ATRX: variants seen among roughly 807,000 people sequenced by gnomAD.
ATRX encodes chromatin remodeler ATRX.
ATRX carries 12 observed loss-of-function variants against 172.6 expected under a neutral mutation model. That is an observed-to-expected ratio of 0.07 (90% CI 0.04 to 0.11). ATRX has a LOEUF of 0.11. Among genes scored for constraint, ATRX ranks in the 10% least tolerant of loss-of-function variants. The pLI, the probability that ATRX is intolerant of heterozygous loss-of-function variation, is 1.00. For missense variants in ATRX, 1,368 were observed against 1,767.4 expected, an observed-to-expected ratio of 0.77 and a Z score of 4.05; for synonymous variants, 674 against 594.7, an observed-to-expected ratio of 1.13 and a Z score of -1.94.
Position 77,515,830 on chromosome X carries a change from GC to G in ATRX, c.7200+4957del, listed in dbSNP as rs782246887. Among the ~76,000 whole-genome samples the G allele has an allele frequency of 2.7e-5, 3 of 111,906 alleles. No homozygotes were observed. In the East Asian group the frequency reaches 8.3e-4, roughly 31 times the overall value. ...CTTGTAAAGCTGAGCCCAGATCTCA[GC>G]ACACATTTTCAAGACTGTTGTCAAT... On this transcript the variant is annotated intron_variant, in intron 34 of 34. Coordinates refer to ENST00000373344, the MANE Select transcript of ATRX (RefSeq NM_000489.6).
intron 30 of ATRX, among the ~76,000 whole-genome samples, chrX:77,556,084 G>C (rs1246920950): frequency 1.9e-5 from 2 of 104,974 alleles, no homozygotes; most frequent in African/African-American, 3.5e-5. Context: ...GCTGAGGCAG[G>C]AGAATCGCTT....
chrX:77,732,688 T>C (rs1436219351), intron 1 of ATRX, among the ~76,000 whole-genome samples: 1 of 112,066 alleles, frequency 8.9e-6, no homozygotes, highest in African/African-American at 3.2e-5. Context: ...ATTATATCAA[T>C]TGATGCTTAA....
chrX:77,547,150 A>G (rs1316334203), intron 30 of ATRX, among the ~76,000 whole-genome samples: 1 of 111,468 alleles, frequency 9.0e-6, no homozygotes, highest in Non-Finnish European at 1.9e-5. Flanking sequence ...GGTATTTTAA[A>G]TTTCAGGATT....
chrX:77,746,339 A>G (rs1050989306), intron 1 of ATRX, among the ~76,000 whole-genome samples: 38 of 111,648 alleles, frequency 3.4e-4, no homozygotes, highest in Admixed American at 2.7e-3. Context: ...AATTCCTTTG[A>G]GAATGTTTAG....
intron 1 of ATRX, among the ~76,000 whole-genome samples, chrX:77,751,504 G>C (rs2075297397): frequency 8.9e-6 from 1 of 111,989 alleles, no homozygotes; most frequent in Non-Finnish European, 1.9e-5. Flanking sequence ...TTTTTGCTGT[G>C]TGGAAGCTCT....
chrX:77,725,115 T>C (rs1557171789), intron 1 of ATRX, among the ~76,000 whole-genome samples: 1 of 111,859 alleles, frequency 8.9e-6, no homozygotes, highest in East Asian at 2.8e-4. Context: ...AGAGTCTAGA[T>C]AAAAGTCCTT....
intron 30 of ATRX, among the ~76,000 whole-genome samples, chrX:77,556,182 G>A (rs2064774702): frequency 1.2e-5 from 1 of 82,885 alleles, no homozygotes; most frequent in Non-Finnish European, 2.3e-5. Context: ...TCAAAAAGAG[G>A]TAGAAGGAGA....
chrX:77,713,064 G>A (rs1048033879), intron 2 of ATRX, among the ~76,000 whole-genome samples: 3 of 110,369 alleles, frequency 2.7e-5, no homozygotes, highest in Admixed American at 9.7e-5. Context: ...CAGGAGAATC[G>A]CTTGAACCTG....
chrX:77,724,539 A>G (rs1251749742), intron 1 of ATRX, among the ~76,000 whole-genome samples: 5 of 110,397 alleles, frequency 4.5e-5, no homozygotes, highest in Non-Finnish European at 9.5e-5. Flanking sequence ...GCCCAAAAAT[A>G]TCTTCACATC....
intron 21 of ATRX, 43 bp downstream of exon 21, chrX:77,618,763 T>TA (rs782232154): frequency 1.8e-6 from 2 of 1,131,557 alleles, no homozygotes; most frequent in Admixed American, 4.4e-5. Flanking sequence ...GATTGTTATA[T>TA]AAAAAAGTAA....
intron 1 of ATRX, among the ~76,000 whole-genome samples, chrX:77,729,460 G>A (rs1327935495): frequency 8.9e-6 from 1 of 111,996 alleles, no homozygotes; most frequent in Non-Finnish European, 1.9e-5. Flanking sequence ...TGCAGGAAAA[G>A]TTTTATTTTC....
At position 77,527,609 on chromosome X, in the gene ATRX, T is replaced by C. The variant is rs781859638; in HGVS notation, c.6700-4208A>G. ...GAGATCTGGGAGTTCTGCATGCTCC[T>C]GCCCCGGGATCCCCGCCAAGGCATA... On this transcript the variant is annotated intron_variant, in intron 30 of 34. Transcript: ENST00000373344. 2.7e-5 allele frequency among the ~76,000 whole-genome samples: 3 copies of C among 111,747 alleles called. No individual in the cohort carries two copies. The South Asian group carries it at 1.2e-3, about 43-fold the overall frequency.
Position 77,772,305 on chromosome X carries a change from G to A in ATRX, c.20+13677C>T, listed in dbSNP as rs782380724. Among the ~76,000 whole-genome samples the A allele has an allele frequency of 1.4e-3, 125 of 92,569 alleles. 2 individuals carry two copies. The Admixed American group carries it at 0.014, about 10-fold the overall frequency. The allele number at this position is 92,569 out of a possible 115,157, so 80.4% of individuals were successfully genotyped here. Reference sequence around the variant, plus strand: ...AGCCTGGGCAACACAGCAAGAATCCGTCTCAAAAAAAAAAAAAAAAGTGTT... The same window carrying A: ...AGCCTGGGCAACACAGCAAGAATCCATCTCAAAAAAAAAAAAAAAAGTGTT... On this transcript the variant is annotated intron_variant, in intron 1 of 34. Coordinates refer to ENST00000373344, the MANE Select transcript of ATRX (RefSeq NM_000489.6).
At chrX:77,693,540 G>A (rs1035198245) in intron 6 of ATRX, among the ~76,000 whole-genome samples, 4 of 111,811 alleles carry the variant, frequency 3.6e-5, no homozygotes, top group Admixed American at 9.5e-5. Flanking sequence ...GGGTTGGGGG[G>A]AAAACATAGT....
At chrX:77,732,880 C>T (rs947823981) in intron 1 of ATRX, among the ~76,000 whole-genome samples, 9 of 111,247 alleles carry the variant, frequency 8.1e-5, no homozygotes, top group African/African-American at 2.9e-4. Context: ...ATGCCCACTT[C>T]CAGCAGTTAC....
chrX:77,682,667 T>G lies in ATRX; in HGVS notation c.2589A>C (p.Gln863His). Residue 863 changes from glutamine to histidine, a missense_variant, in exon 9 of 35, where the codon CAA (glutamine) becomes CAC (histidine). Physicochemically the swap from Gln to His is conservative, Grantham distance 24. Around this residue, in one of 17 missense-constraint regions of ATRX, gnomAD observed 843 missense variants for 643.1 expected, o/e 1.31. Transcript: ENST00000373344. ...EKHSKKGMDN[Q>H]GHKNLKTSQE... ...GTGAGGTCTTCAAATTTTTGTGCCC[T>G]TGATTATCCATTCCTTTTTTGCTGT... The G allele has an allele frequency of 5.0e-6, 6 of 1,209,501 alleles. No individual in the cohort carries two copies. The highest frequency in any genetic ancestry group is 6.7e-6 in the Non-Finnish European group (6 of 895,321).
At chrX:77,769,789 T>C (rs1301084111) in intron 1 of ATRX, among the ~76,000 whole-genome samples, 1 of 111,665 alleles carries the variant, frequency 9.0e-6, no homozygotes, top group Non-Finnish European at 1.9e-5. Context: ...TCCATGATAA[T>C]GTAACCGTTA....
chrX:77,519,810 T>C (rs2063169095), intron 34 of ATRX, among the ~76,000 whole-genome samples: 1 of 111,358 alleles, frequency 9.0e-6, no homozygotes. Context: ...GCTAGGCCTA[T>C]ACCCAAAAGA....
chrX:77,737,377 C>T lies in ATRX; in HGVS notation c.21-20134G>A, dbSNP rs1393732774. On this transcript the variant is annotated intron_variant, in intron 1 of 34. Coordinates refer to ENST00000373344, the MANE Select transcript of ATRX (RefSeq NM_000489.6). ...GGCGGAGGTTACAGTGAGCCAAGAT[C>T]GCACCATTGCACTCCAGCTTAGGCG... Among the ~76,000 whole-genome samples the T allele has an allele frequency of 6.7e-5, 6 of 89,605 alleles. No individual in the cohort carries two copies. The East Asian group carries it at 1.8e-3, about 26-fold the overall frequency. 77.8% of individuals were successfully genotyped at this position (89,605 alleles called of 115,157 possible). A position where few individuals can be genotyped will look rare whatever the true frequency, so the allele number is the denominator to read the frequency against.
Sources: allele counts gnomAD v4.1 joint callset (sites outside exome capture counted in the v4.1 genomes callset), GRCh38; gene constraint gnomAD v4.1.1; regional missense constraint gnomAD v4.1.1; transcripts MANE v1.5; gene names NCBI Gene and HGNC (gene_info 2026-07-23, HGNC 2026-07-21).